Variants in COL5A2 observed in about 807,000 individuals in gnomAD.
COL5A2 encodes the protein collagen alpha-2(V) chain.
Under a neutral mutation model 208.2 loss-of-function variants are expected in COL5A2, and 23 were observed. The ratio of observed to expected loss-of-function variants is 0.11; its 90% CI spans 0.08 to 0.16. The LOEUF (loss-of-function observed/expected upper bound fraction) is 0.16. Ranked by LOEUF, COL5A2 falls within the 10% of genes least tolerant of loss-of-function variation. The pLI, the probability that COL5A2 is intolerant of heterozygous loss-of-function variation, is 1.00. For missense variants in COL5A2, 1,590 were observed against 1,956.4 expected (o/e 0.81, Z 3.53); for synonymous variants, 625 against 628.5 (o/e 0.99, Z 0.08).
Position 189,052,199 on chromosome 2 carries a change from C to T in COL5A2, c.2742G>A (p.Ala914=), listed in dbSNP as rs773825862. The change falls in exon 41 of 54, where the codon GCG becomes GCA. Residue 914 remains alanine, a synonymous_variant. Coordinates refer to ENST00000374866, the MANE Select transcript of COL5A2 (RefSeq NM_000393.5). ...CAGGGCCTGGAGGTCCAACTCTGCCCGCAGAACCAGGAAATCCTGTAGCAC... is the reference window on the plus strand; with the variant it reads ...CAGGGCCTGGAGGTCCAACTCTGCCTGCAGAACCAGGAAATCCTGTAGCAC... ...PPGATGFPGS[A]GRVGPPGPAG... The T allele has an allele frequency of 1.8e-5, 29 of 1,613,672 alleles. No homozygotes were observed. Among genetic ancestry groups the T allele is most frequent in the Admixed American group, 3.3e-5 (2 of 59,986 alleles).
chr2:189,100,084 A>G, intron 4 of COL5A2, 23 bp downstream of exon 4: 1 of 1,582,438 alleles, frequency 6.3e-7, no homozygotes, highest in Non-Finnish European at 8.7e-7. Flanking sequence ...GTACAAGGAA[A>G]CAATGATTAT....
At chr2:189,326,281 AT>A in the COL5A2 span, among the ~76,000 whole-genome samples, 1 of 152,180 alleles carries the variant, frequency 6.6e-6, no homozygotes, top group African/African-American at 2.4e-5. Flanking sequence ...TCAATTAATA[AT>A]TTATTTTAAA....
At chr2:189,138,339 T>C (rs762551639) in intron 1 of COL5A2, among the ~76,000 whole-genome samples, 7 of 152,092 alleles carry the variant, frequency 4.6e-5, no homozygotes, top group Non-Finnish European at 8.8e-5. Context: ...CTTATTAATA[T>C]GTCTTGATTT....
chr2:189,052,752 C>T lies in COL5A2; in HGVS notation c.2712G>A (p.Pro904=), dbSNP rs372869641. The T allele has an allele frequency of 3.7e-5, 59 of 1,614,030 alleles. No homozygotes were observed. In the East Asian group the frequency reaches 1.0e-3, roughly 28 times the overall value. Residue 904 remains proline, a synonymous_variant, in exon 40 of 54, where the codon CCG becomes CCA. Transcript: ENST00000374866. The part of the protein sequence containing the change: ...GLKGGRGTQG[P]PGATGFPGSA... Reference sequence around the variant, plus strand: ...GCAGAGCATCAAATAAACTTACAGGCGGACCTTGGGTTCCTCGACCACCTT... The same window carrying T: ...GCAGAGCATCAAATAAACTTACAGGTGGACCTTGGGTTCCTCGACCACCTT...
rs1296005053 is a variant in COL5A2 at position 189,054,185 on chromosome 2, C to A, written c.2419G>T (p.Gly807Cys). The change falls in exon 36 of 54, where the codon GGT (glycine) becomes TGT (cysteine). Residue 807 changes from glycine to cysteine, a missense_variant. Physicochemically the swap from Gly to Cys is radical, Grantham distance 159. Transcript: ENST00000374866. ...TTTTCTCCAGTAGGACCTGCCGGACCTGGAGGGCCCAAAGGACCTGGAAGA... is the reference window on the plus strand; with the variant it reads ...TTTTCTCCAGTAGGACCTGCCGGACATGGAGGGCCCAAAGGACCTGGAAGA... Reference protein sequence around the residue: ...RGLPGPLGPPGPAGPTGEKGE... With the variant: ...RGLPGPLGPPCPAGPTGEKGE... 2 of 1,614,110 alleles carry A rather than the reference C, an allele frequency of 1.2e-6. No homozygotes were observed. Among genetic ancestry groups the A allele is most frequent in the Non-Finnish European group, 1.7e-6 (2 of 1,179,986 alleles).
At chr2:189,276,451 T>C in the COL5A2 span, among the ~76,000 whole-genome samples, 1 of 152,222 alleles carries the variant, frequency 6.6e-6, no homozygotes. Flanking sequence ...GTTAAGGGCA[T>C]AGAAAAATCT....
chr2:189,260,467 T>C, the COL5A2 span, among the ~76,000 whole-genome samples: 5 of 152,274 alleles, frequency 3.3e-5, no homozygotes, highest in Admixed American at 6.5e-5. Flanking sequence ...TAGAAAGTGA[T>C]GTAGGGCTTA....
chr2:189,061,608 G>A lies in COL5A2; in HGVS notation c.1985C>T (p.Ala662Val), dbSNP rs777314239. 3.7e-6 allele frequency: 6 copies of A among 1,612,460 alleles called. No homozygotes were observed. Among genetic ancestry groups the A allele is most frequent in the Non-Finnish European group, 5.1e-6 (6 of 1,178,716 alleles). The change falls in exon 30 of 54, where the codon GCT becomes GTT. Residue 662 changes from alanine to valine, a missense_variant. Physicochemically the swap from Ala to Val is moderately conservative, Grantham distance 64. Coordinates refer to ENST00000374866, the MANE Select transcript of COL5A2 (RefSeq NM_000393.5). The part of the protein sequence containing the change: ...PSGPVGPPGL[A>V]GERGEQGPPG... ...AGGTCCTTGTTCTCCTCTTTCACCA[G>A]CTAGACCCTAAGTTGTGAAGGAGAA...
the COL5A2 span, among the ~76,000 whole-genome samples, chr2:189,421,221 C>G: frequency 6.6e-6 from 1 of 152,042 alleles, no homozygotes; most frequent in Admixed American, 6.6e-5. Flanking sequence ...TCTTTCTTAT[C>G]TCTCTCCTGC....
chr2:189,206,053 C>T (rs577555859), intron 1 of COL5A2, among the ~76,000 whole-genome samples: 5 of 152,252 alleles, frequency 3.3e-5, no homozygotes, highest in Admixed American at 6.5e-5. Flanking sequence ...TATCACATAA[C>T]AGCCCAGGAG....
chr2:189,097,267 G>C lies in COL5A2; in HGVS notation c.456+10C>G, dbSNP rs762902987. The C allele has an allele frequency of 6.2e-7, 1 of 1,613,894 alleles. No individual in the cohort carries two copies. The highest frequency in any genetic ancestry group is 8.5e-7 in the Non-Finnish European group (1 of 1,179,906). On this transcript the variant is annotated intron_variant, in intron 6 of 53. Coordinates refer to ENST00000374866, the MANE Select transcript of COL5A2 (RefSeq NM_000393.5). The stretch of plus-strand genomic sequence containing the variant: ...TACGTTCCCCACAAGGAGCCCTCCT[G>C]TCAACTTACAGGTCTTCCTTTTGGC...
At chr2:189,389,489 A>C in the COL5A2 span, among the ~76,000 whole-genome samples, 1 of 152,180 alleles carries the variant, frequency 6.6e-6, no homozygotes, top group South Asian at 2.1e-4. Flanking sequence ...GATCTTTTTT[A>C]CCTTCTTTCT....
the COL5A2 span, among the ~76,000 whole-genome samples, chr2:189,366,110 T>C: frequency 6.6e-6 from 1 of 152,110 alleles, no homozygotes; most frequent in Admixed American, 6.5e-5. Context: ...TATTTTGAGA[T>C]CTTGTATAGC....
the COL5A2 span, among the ~76,000 whole-genome samples, chr2:189,357,828 C>T: frequency 2.7e-5 from 4 of 150,490 alleles, no homozygotes; most frequent in African/African-American, 7.3e-5. Flanking sequence ...CAGTTTTGTG[C>T]TTGAAACCCA....
intron 1 of COL5A2, among the ~76,000 whole-genome samples, chr2:189,112,528 G>C (rs1351406249): frequency 6.6e-6 from 1 of 152,106 alleles, no homozygotes; most frequent in African/African-American, 2.4e-5. Context: ...TATGTATTTA[G>C]TCTTTCATCA....
the COL5A2 span, among the ~76,000 whole-genome samples, chr2:189,425,100 A>C: frequency 4.0e-3 from 615 of 152,338 alleles, 7 homozygotes; most frequent in African/African-American, 0.014. Context: ...CCTCATGCAA[A>C]GAAGGAAATT....
chr2:189,292,859 G>A, the COL5A2 span, among the ~76,000 whole-genome samples: 2 of 152,132 alleles, frequency 1.3e-5, no homozygotes, highest in Non-Finnish European at 2.9e-5. Flanking sequence ...CAACCCAAAT[G>A]TCCAGCAATG....
the COL5A2 span, among the ~76,000 whole-genome samples, chr2:189,270,765 T>A: frequency 3.2e-4 from 49 of 152,278 alleles, no homozygotes; most frequent in Non-Finnish European, 6.8e-4. Flanking sequence ...AACCCCACTG[T>A]CTCAGTCCAA....
the COL5A2 span, among the ~76,000 whole-genome samples, chr2:189,385,413 A>G: frequency 6.6e-6 from 1 of 152,270 alleles, no homozygotes; most frequent in Non-Finnish European, 1.5e-5. Flanking sequence ...CACATCTAAC[A>G]AATGGGGTGA....
Sources: gnomAD v4.1 joint callset for allele counts (sites outside exome capture counted in the v4.1 genomes callset) on GRCh38, gnomAD v4.1.1 for gene constraint, MANE v1.5 for transcripts, NCBI Gene and HGNC (gene_info 2026-07-23, HGNC 2026-07-21) for gene names.